Variants in SEMA6D observed in about 807,000 individuals in gnomAD.
The protein encoded by SEMA6D is semaphorin 6D.
In SEMA6D, 35 loss-of-function variants were observed where a neutral mutation model predicts 106.6. The ratio of observed to expected loss-of-function variants is 0.33; its 90% CI spans 0.25 to 0.44. The LOEUF is 0.44. SEMA6D is among the 20% of genes least tolerant of loss of function. The pLI is 1.00. For synonymous variants in SEMA6D, 499 were observed against 487.7 expected (o/e 1.02, Z -0.31); for missense variants, 1,185 against 1,345.9 (o/e 0.88, Z 1.87).
intron 3 of SEMA6D, among the ~76,000 whole-genome samples, chr15:47,520,773 C>T (rs1033061073): frequency 6.6e-6 from 1 of 152,124 alleles, no homozygotes; most frequent in African/African-American, 2.4e-5. Flanking sequence ...AATCTAACAT[C>T]AAGTACCAGG....
chr15:47,356,930 C>T (rs2038596579), intron 1 of SEMA6D, among the ~76,000 whole-genome samples: 1 of 152,170 alleles, frequency 6.6e-6, no homozygotes, highest in African/African-American at 2.4e-5. Flanking sequence ...AACCAAATCT[C>T]AATTGTTTGT....
At chr15:47,631,110 A>G (rs1362515655) in intron 4 of SEMA6D, among the ~76,000 whole-genome samples, 1 of 151,900 alleles carries the variant, frequency 6.6e-6, no homozygotes, top group Non-Finnish European at 1.5e-5. Context: ...TTAGTCTCAT[A>G]AACAAGTGGT....
chr15:47,624,240 C>T (rs1379090599), intron 4 of SEMA6D, among the ~76,000 whole-genome samples: 1 of 152,198 alleles, frequency 6.6e-6, no homozygotes, highest in Non-Finnish European at 1.5e-5. Context: ...ACTTCCTTAT[C>T]CCCCAAGGCT....
chr15:47,611,900 T>A (rs375184661), intron 4 of SEMA6D, among the ~76,000 whole-genome samples: 1 of 152,078 alleles, frequency 6.6e-6, no homozygotes, highest in African/African-American at 2.4e-5. Flanking sequence ...GGAAAATACA[T>A]GTAAGAACTG....
chr15:47,767,405 T>A (rs879851640), intron 17 of SEMA6D: 3 of 230,182 alleles, frequency 1.3e-5, no homozygotes, highest in Non-Finnish European at 2.5e-5. Context: ...ATTGTGAATG[T>A]TTCTTCTGGT....
chr15:47,250,749 G>A (rs1032897461), intron 1 of SEMA6D, among the ~76,000 whole-genome samples: 19 of 152,192 alleles, frequency 1.2e-4, no homozygotes, highest in African/African-American at 4.6e-4. Flanking sequence ...GAGAGCTGAG[G>A]ACCAGAGGGG....
At chr15:47,681,298 A>G (rs995217664) in intron 4 of SEMA6D, among the ~76,000 whole-genome samples, 6 of 152,260 alleles carry the variant, frequency 3.9e-5, no homozygotes, top group African/African-American at 1.4e-4. Flanking sequence ...ATATCCTGCC[A>G]TATGGATGAA....
chr15:47,332,306 A>G (rs1187717224), intron 1 of SEMA6D, among the ~76,000 whole-genome samples: 1 of 152,186 alleles, frequency 6.6e-6, no homozygotes, highest in Admixed American at 6.5e-5. Flanking sequence ...GCACAATTGA[A>G]GAAATACTCA....
rs150673568 is a variant in SEMA6D, at chr15:47,752,840, C to G, written c.-54-6905C>G. 5.6e-4 allele frequency among the ~76,000 whole-genome samples: 85 copies of G among 151,838 alleles called. 2 individuals are homozygous for G. Among genetic ancestry groups the G allele is most frequent in the Non-Finnish European group, 7.5e-4 (51 of 67,998 alleles). On this transcript the variant is annotated intron_variant, in intron 1 of 18. Transcript: ENST00000536845. ...CCTGGCCAACATGATGAAACCCCAC[C>G]TCTTCTAAAAGTATAAAAATTAGCT...
At chr15:47,431,283 T>C (rs2041514365) in intron 2 of SEMA6D, among the ~76,000 whole-genome samples, 1 of 152,078 alleles carries the variant, frequency 6.6e-6, no homozygotes, top group Non-Finnish European at 1.5e-5. Context: ...GTTTATTAAA[T>C]TAAATAATAA....
intron 1 of SEMA6D, among the ~76,000 whole-genome samples, chr15:47,757,007 G>A (rs2081789126): frequency 6.6e-6 from 1 of 151,828 alleles, no homozygotes; most frequent in Non-Finnish European, 1.5e-5. Flanking sequence ...GGCATGGGGA[G>A]AAATTGCTTT....
At chr15:47,226,756 A>T (rs1466137191) in intron 1 of SEMA6D, among the ~76,000 whole-genome samples, 1 of 152,032 alleles carries the variant, frequency 6.6e-6, no homozygotes, top group Admixed American at 6.6e-5. Context: ...CCACAAAAAA[A>T]ACAAGATAAG....
At chr15:47,600,300 T>C (rs1343028670) in intron 3 of SEMA6D, among the ~76,000 whole-genome samples, 1 of 152,162 alleles carries the variant, frequency 6.6e-6, no homozygotes, top group Admixed American at 6.6e-5. Flanking sequence ...TTGTAGGATC[T>C]GAAACTTCCA....
At chr15:47,194,329 A>G (rs1417955360) in intron 1 of SEMA6D, among the ~76,000 whole-genome samples, 1 of 152,178 alleles carries the variant, frequency 6.6e-6, no homozygotes, top group Non-Finnish European at 1.5e-5. Flanking sequence ...AATGCTTGTC[A>G]AAACACCGGT....
chr15:47,421,373 C>T (rs1404276908), intron 2 of SEMA6D, among the ~76,000 whole-genome samples: 6 of 152,112 alleles, frequency 3.9e-5, no homozygotes, highest in African/African-American at 1.4e-4. Context: ...GTGCTATTAT[C>T]CTCTATTTTC....
chr15:47,418,741 A>T (rs147694612), intron 2 of SEMA6D, among the ~76,000 whole-genome samples: 2 of 152,022 alleles, frequency 1.3e-5, no homozygotes, highest in African/African-American at 2.4e-5. Context: ...GACTGCTTCA[A>T]TTACTTCAGC....
chr15:47,629,611 A>AAT (rs1245590495), intron 4 of SEMA6D, among the ~76,000 whole-genome samples: 3 of 151,918 alleles, frequency 2.0e-5, no homozygotes, highest in African/African-American at 7.2e-5. Flanking sequence ...GTTACTTTGA[A>AAT]ATATATATAA....
intron 3 of SEMA6D, among the ~76,000 whole-genome samples, chr15:47,536,006 T>A (rs1047428623): frequency 6.6e-6 from 1 of 152,184 alleles, no homozygotes; most frequent in African/African-American, 2.4e-5. Flanking sequence ...ATCAAGAGCC[T>A]CAAATGCTAT....
intron 3 of SEMA6D, among the ~76,000 whole-genome samples, chr15:47,576,525 T>C (rs937093069): frequency 6.6e-6 from 1 of 152,188 alleles, no homozygotes; most frequent in Non-Finnish European, 1.5e-5. Flanking sequence ...AGGAATGCCC[T>C]TGTCTGAGCC....
Sources: gnomAD v4.1 joint callset for allele counts (sites outside exome capture counted in the v4.1 genomes callset) on GRCh38, gnomAD v4.1.1 for gene constraint, MANE v1.5 for transcripts, NCBI Gene and HGNC (gene_info 2026-07-23, HGNC 2026-07-21) for gene names.